The following PPP1R16B variants were observed in gnomAD, a reference collection of about 807,000 sequenced individuals.
PPP1R16B encodes protein phosphatase 1 regulatory subunit 16B, also known as protein phosphatase 1 regulatory inhibitor subunit 16B.
In PPP1R16B, 14 loss-of-function variants were observed where a neutral mutation model predicts 61.7. The observed-to-expected ratio is 0.23, with a 90% confidence interval of 0.15 to 0.35. The LOEUF (loss-of-function observed/expected upper bound fraction) is 0.35, where lower values mean the gene tolerates loss of function less well. Among genes scored for constraint, PPP1R16B ranks in the 10% least tolerant of loss-of-function variants. PPP1R16B has a pLI of 1.00. For missense variants in PPP1R16B, 547 were observed against 752.5 expected, an observed-to-expected ratio of 0.73 and a Z score of 3.19; for synonymous variants, 266 against 305.3, an observed-to-expected ratio of 0.87 and a Z score of 1.34.
rs1465285631 is a variant in PPP1R16B, at chr20:38,906,291, T to TG, written c.822+197_822+198insG. On this transcript the variant is annotated intron_variant, in intron 7 of 10. Coordinates refer to ENST00000299824, the MANE Select transcript of PPP1R16B (RefSeq NM_015568.4). ...TGGACAAAGCAAGTTGTGTTTTTTT[T>TG]TTTTTTTTTTTTTTTTTTTTGAGAT... Among the ~76,000 whole-genome samples the TG allele has an allele frequency of 1.5e-4, 18 of 121,452 alleles. 1 individual carries two copies. The highest frequency in any genetic ancestry group is 3.0e-4 in the South Asian group (1 of 3,290). The allele number at this position is 121,452 out of a possible 152,430, so 79.7% of individuals were successfully genotyped here.
intron 1 of PPP1R16B, among the ~76,000 whole-genome samples, chr20:38,816,005 A>T (rs2084732941): frequency 6.6e-6 from 1 of 152,258 alleles, no homozygotes; most frequent in Non-Finnish European, 1.5e-5. Context: ...AAATGAATTC[A>T]TAAAATACCG....
At chr20:38,854,540 A>G (rs2084990982) in intron 2 of PPP1R16B, among the ~76,000 whole-genome samples, 1 of 152,226 alleles carries the variant, frequency 6.6e-6, no homozygotes, top group African/African-American at 2.4e-5. Context: ...AATAGAATAT[A>G]AAGAGGCCTT....
chr20:38,886,051 C>A (rs1218989950), intron 2 of PPP1R16B, among the ~76,000 whole-genome samples: 1 of 152,214 alleles, frequency 6.6e-6, no homozygotes, highest in Non-Finnish European at 1.5e-5. Flanking sequence ...GCTGGAATTA[C>A]AGGCATGAGC....
At chr20:38,808,937 G>A (rs902178410) in intron 1 of PPP1R16B, among the ~76,000 whole-genome samples, 1 of 152,058 alleles carries the variant, frequency 6.6e-6, no homozygotes, top group South Asian at 2.1e-4. Flanking sequence ...GGAGGCTGAG[G>A]CACGAGAATT....
At chr20:38,893,605 G>A (rs2085308312) in intron 3 of PPP1R16B, among the ~76,000 whole-genome samples, 1 of 151,938 alleles carries the variant, frequency 6.6e-6, no homozygotes, top group African/African-American at 2.4e-5. Flanking sequence ...GGCGGGAGGA[G>A]GCGGCTGACT....
chr20:38,872,166 G>T (rs772349256), intron 2 of PPP1R16B, among the ~76,000 whole-genome samples: 3 of 152,174 alleles, frequency 2.0e-5, no homozygotes, highest in Non-Finnish European at 4.4e-5. Flanking sequence ...TTCACCGGGT[G>T]GTGCCTTCAG....
intron 4 of PPP1R16B, 36 bp from the exon 5 acceptor site, chr20:38,900,545 A>G: frequency 6.4e-7 from 1 of 1,563,412 alleles, no homozygotes; most frequent in Non-Finnish European, 8.7e-7. Flanking sequence ...CCCTAGCCAC[A>G]CCTACTTGGC....
At chr20:38,827,322 T>TGA (rs1183983722) in intron 1 of PPP1R16B, among the ~76,000 whole-genome samples, 9 of 152,242 alleles carry the variant, frequency 5.9e-5, no homozygotes, top group Non-Finnish European at 1.2e-4. Flanking sequence ...CTGTTATTGT[T>TGA]CCACTGCTGG....
intron 4 of PPP1R16B, among the ~76,000 whole-genome samples, chr20:38,898,038 G>A (rs112914645): frequency 1.3e-5 from 2 of 152,248 alleles, no homozygotes; most frequent in African/African-American, 2.4e-5. Flanking sequence ...CCATTCTATA[G>A]GATGTCTTTG....
intron 2 of PPP1R16B, among the ~76,000 whole-genome samples, chr20:38,840,245 C>G (rs1297201382): frequency 1.3e-5 from 2 of 152,182 alleles, no homozygotes; most frequent in East Asian, 3.9e-4. Flanking sequence ...GGTGTTAGCT[C>G]ACAGTGGCGT....
At chr20:38,906,607 G>A (rs1261339856) in intron 7 of PPP1R16B, among the ~76,000 whole-genome samples, 1 of 152,222 alleles carries the variant, frequency 6.6e-6, no homozygotes, top group Non-Finnish European at 1.5e-5. Flanking sequence ...CTAATAGGAT[G>A]GTAATCAAAT....
Position 38,870,518 on chromosome 20 carries a change from C to A in PPP1R16B, c.251-19077C>A, listed in dbSNP as rs1301093078. 2.6e-5 allele frequency among the ~76,000 whole-genome samples: 4 copies of A among 152,086 alleles called. No individual in the cohort carries two copies. The East Asian group carries it at 7.7e-4, about 29-fold the overall frequency. On this transcript the variant is annotated intron_variant, in intron 2 of 10. Transcript: ENST00000299824. ...ACCTGAAGGATGAGAACTGAGCCAG[C>A]CATGCAGAAGGATGGGGAGGCTGGG... is the stretch of plus-strand genomic sequence containing the variant.
intron 2 of PPP1R16B, among the ~76,000 whole-genome samples, chr20:38,869,390 C>G (rs892178117): frequency 4.6e-5 from 7 of 152,078 alleles, no homozygotes; most frequent in African/African-American, 1.7e-4. Context: ...AACTCCTGAC[C>G]TCAGGTGATC....
intron 2 of PPP1R16B, among the ~76,000 whole-genome samples, chr20:38,880,117 G>T (rs1172741682): frequency 1.3e-5 from 2 of 152,186 alleles, no homozygotes; most frequent in Non-Finnish European, 2.9e-5. Flanking sequence ...CTACATCACA[G>T]GAGCAGCACG....
intron 2 of PPP1R16B, 143 bp from the exon 3 acceptor site, chr20:38,889,452 G>A (rs77180789): frequency 0.027 from 18,961 of 697,446 alleles, 319 homozygotes; most frequent in Middle Eastern, 0.071. Flanking sequence ...GAAATTCTGG[G>A]CGTCAGTTGT....
chr20:38,906,007 T>G lies in PPP1R16B; in HGVS notation c.735T>G (p.Ala245=). Residue 245 remains alanine, a synonymous_variant, in exon 7 of 11, where the codon GCT becomes GCG. Transcript: ENST00000299824. The part of the protein sequence containing the change: ...IAGANGYLRA[A]ELLLDHGVRV... Reference sequence around the variant, plus strand: ...GAGCCAATGGATACCTGCGGGCAGCTGAGCTCCTCCTGGACCATGGAGTGC... The same window carrying G: ...GAGCCAATGGATACCTGCGGGCAGCGGAGCTCCTCCTGGACCATGGAGTGC... 2 of 1,613,678 alleles carry G rather than the reference T, an allele frequency of 1.2e-6. No homozygotes were observed. Among genetic ancestry groups the G allele is most frequent in the South Asian group, 2.2e-5 (2 of 91,072 alleles).
At chr20:38,873,327 G>A (rs1439593219) in intron 2 of PPP1R16B, among the ~76,000 whole-genome samples, 1 of 152,142 alleles carries the variant, frequency 6.6e-6, no homozygotes, top group Admixed American at 6.5e-5. Flanking sequence ...TGGGCTCTTC[G>A]GTTCTCGTGG....
intron 10 of PPP1R16B, among the ~76,000 whole-genome samples, chr20:38,909,777 C>T (rs2085474490): frequency 6.6e-6 from 1 of 152,026 alleles, no homozygotes; most frequent in Non-Finnish European, 1.5e-5. Flanking sequence ...AAGGGGAGGC[C>T]ACATCAAAGC....
chr20:38,843,933 A>T (rs943623378), intron 2 of PPP1R16B, among the ~76,000 whole-genome samples: 1 of 152,214 alleles, frequency 6.6e-6, no homozygotes, highest in Non-Finnish European at 1.5e-5. Context: ...ATGTAGTTGG[A>T]AAAGGGAGGA....
Sources: allele counts gnomAD v4.1 joint callset (sites outside exome capture counted in the v4.1 genomes callset), GRCh38; gene constraint gnomAD v4.1.1; transcripts MANE v1.5; gene names NCBI Gene and HGNC (gene_info 2026-07-23, HGNC 2026-07-21).